LRMDA: variants seen among roughly 807,000 people sequenced by gnomAD.
LRMDA encodes the protein leucine-rich melanocyte differentiation-associated protein.
Under a neutral mutation model 29.8 loss-of-function variants are expected in LRMDA, and 18 were observed. That is an observed-to-expected ratio of 0.60 (90% CI 0.42 to 0.90). The LOEUF (loss-of-function observed/expected upper bound fraction) is 0.90, where lower values mean the gene tolerates loss of function less well. Among genes scored for constraint, LRMDA ranks in the 40% least tolerant of loss-of-function variants. The pLI is 0.00. For missense variants in LRMDA, 273 were observed against 273.9 expected, an observed-to-expected ratio of 1.00 and a Z score of 0.02; for synonymous variants, 125 against 109.4, an observed-to-expected ratio of 1.14 and a Z score of -0.89.
At chr10:75,969,102 A>T (rs139758126) in intron 2 of LRMDA, among the ~76,000 whole-genome samples, 1 of 152,204 alleles carries the variant, frequency 6.6e-6, no homozygotes, top group East Asian at 1.9e-4. Context: ...AAGGACTTGT[A>T]CTCTCTGGCT....
chr10:75,754,803 C>T (rs146985691), intron 2 of LRMDA, among the ~76,000 whole-genome samples: 75 of 152,248 alleles, frequency 4.9e-4, no homozygotes, highest in African/African-American at 1.4e-3. Context: ...CTTTCTCTCT[C>T]GGTCACTGCC....
intron 2 of LRMDA, among the ~76,000 whole-genome samples, chr10:75,925,412 G>A (rs370123380): frequency 5.9e-5 from 9 of 152,194 alleles, no homozygotes; most frequent in African/African-American, 1.4e-4. Context: ...GAGTGTTAGC[G>A]TCTGGGGGGG....
chr10:75,803,936 G>A (rs903021090), intron 2 of LRMDA, among the ~76,000 whole-genome samples: 2 of 152,108 alleles, frequency 1.3e-5, no homozygotes, highest in African/African-American at 2.4e-5. Flanking sequence ...TGACCCATTC[G>A]CTGCTCCTGT....
chr10:75,680,922 A>G (rs528537161), intron 2 of LRMDA, among the ~76,000 whole-genome samples: 5 of 152,172 alleles, frequency 3.3e-5, no homozygotes, highest in Non-Finnish European at 7.4e-5. Context: ...TCCTTCTGCA[A>G]TCTTCAGTTA....
At position 75,697,850 on chromosome 10, in the gene LRMDA, T is replaced by TGTGTGTGTGTGTGTGTGTGCGC. The variant is rs10664076; in HGVS notation, c.131+259357_131+259358insTGTGTGTGTGTGTGTGTGCGCG. 3.5e-3 allele frequency among the ~76,000 whole-genome samples: 528 copies of TGTGTGTGTGTGTGTGTGTGCGC among 151,698 alleles called. 3 individuals are homozygous for TGTGTGTGTGTGTGTGTGTGCGC. Among genetic ancestry groups the TGTGTGTGTGTGTGTGTGTGCGC allele is most frequent in the African/African-American group, 0.012 (491 of 41,200 alleles). On this transcript the variant is annotated intron_variant, in intron 2 of 6. Coordinates refer to ENST00000611255, the MANE Select transcript of LRMDA (RefSeq NM_001305581.2). ...GCATGTAAGAGTGTGTGTGTGTGTG[T>TGTGTGTGTGTGTGTGTGTGCGC]GCGTGTGTGTGTGTGTCTCATTCGC...
rs142538608 is a variant in LRMDA, at chr10:76,209,245, C to T, written c.517-115156C>T. Among the ~76,000 whole-genome samples the T allele has an allele frequency of 8.5e-3, 1,295 of 152,268 alleles. 23 individuals carry two copies. The highest frequency in any genetic ancestry group is 0.03 in the African/African-American group (1,227 of 41,546). The stretch of plus-strand genomic sequence containing the variant: ...AAGGAGAGTCACTCTCACCTAAAAA[C>T]AGACTGTGCTTCCGTGCCTCTGAGC... On this transcript the variant is annotated intron_variant, in intron 5 of 6. Coordinates refer to ENST00000611255, the MANE Select transcript of LRMDA (RefSeq NM_001305581.2).
rs1489229292 is a variant in LRMDA at position 75,438,379 on chromosome 10, C to T, written c.31-15C>T. The T allele has an allele frequency of 6.5e-7, 1 of 1,541,990 alleles. No individual in the cohort carries two copies. The highest frequency in any genetic ancestry group is 8.8e-7 in the Non-Finnish European group (1 of 1,138,870). ...TTCCATTTGCCACATTGTTTCTGTT[C>T]CATTTAATTTCCAGGTGTCCTACAT... On this transcript the variant is annotated splice_polypyrimidine_tract_variant and intron_variant, in intron 1 of 6. Transcript: ENST00000611255.
intron 2 of LRMDA, among the ~76,000 whole-genome samples, chr10:75,713,626 A>AGTGTG (rs1290834304): frequency 6.6e-6 from 1 of 152,224 alleles, no homozygotes; most frequent in Non-Finnish European, 1.5e-5. Context: ...TTTAAACTTA[A>AGTGTG]GTGTGGTGGT....
intron 2 of LRMDA, among the ~76,000 whole-genome samples, chr10:75,769,864 T>A (rs1452650316): frequency 6.6e-6 from 1 of 152,164 alleles, no homozygotes; most frequent in Non-Finnish European, 1.5e-5. Flanking sequence ...ATGTCTGTAA[T>A]CCCAGCTACT....
chr10:76,011,015 C>T (rs906301150), intron 2 of LRMDA, among the ~76,000 whole-genome samples: 2 of 152,222 alleles, frequency 1.3e-5, no homozygotes, highest in African/African-American at 2.4e-5. Context: ...GAGGATAAAT[C>T]GAGTTTGGCT....
At chr10:76,271,174 G>A (rs1416210564) in intron 5 of LRMDA, among the ~76,000 whole-genome samples, 1 of 152,142 alleles carries the variant, frequency 6.6e-6, no homozygotes, top group African/African-American at 2.4e-5. Context: ...TTGGGAGGCC[G>A]AGGTGGGTGA....
intron 2 of LRMDA, among the ~76,000 whole-genome samples, chr10:75,571,594 A>G (rs1384750231): frequency 1.3e-5 from 2 of 152,192 alleles, no homozygotes; most frequent in Non-Finnish European, 2.9e-5. Context: ...TGGTTTAGTC[A>G]TGGGCACGTA....
intron 6 of LRMDA, among the ~76,000 whole-genome samples, chr10:76,495,161 C>A (rs547997079): frequency 6.6e-6 from 1 of 151,890 alleles, no homozygotes; most frequent in African/African-American, 2.4e-5. Context: ...ATCTATTGTG[C>A]TAAAATTGTA....
intron 2 of LRMDA, among the ~76,000 whole-genome samples, chr10:75,828,512 G>C (rs542784957): frequency 1.5e-3 from 235 of 152,272 alleles, no homozygotes; most frequent in African/African-American, 5.4e-3. Context: ...CCATTTGGAA[G>C]TTATTGAGTT....
chr10:75,559,154 T>C (rs1840256998), intron 2 of LRMDA, among the ~76,000 whole-genome samples: 1 of 152,204 alleles, frequency 6.6e-6, no homozygotes, highest in South Asian at 2.1e-4. Context: ...ACCAACAGTG[T>C]AAAAGTGTTC....
intron 2 of LRMDA, chr10:75,552,557 C>A (rs745975343): frequency 6.6e-5 from 32 of 485,748 alleles, no homozygotes; most frequent in Non-Finnish European, 1.3e-4. Flanking sequence ...CTGACCACTT[C>A]TACCCCTCAT....
At chr10:76,355,478 T>C (rs769517348) in intron 6 of LRMDA, among the ~76,000 whole-genome samples, 2 of 152,218 alleles carry the variant, frequency 1.3e-5, no homozygotes, top group Non-Finnish European at 2.9e-5. Context: ...ACATGCAATG[T>C]GCCAACAACT....
chr10:75,486,074 A>G (rs565552268), intron 2 of LRMDA, among the ~76,000 whole-genome samples: 1 of 152,254 alleles, frequency 6.6e-6, no homozygotes, highest in Non-Finnish European at 1.5e-5. Context: ...TCTAATACAC[A>G]GTGTTTGCAT....
chr10:75,708,660 T>A (rs1278708055), intron 2 of LRMDA, among the ~76,000 whole-genome samples: 1 of 151,116 alleles, frequency 6.6e-6, no homozygotes, highest in African/African-American at 2.4e-5. Flanking sequence ...TTGGCTCAAT[T>A]AAAAAAAAAT....
Sources: allele counts gnomAD v4.1 joint callset (sites outside exome capture counted in the v4.1 genomes callset), GRCh38; gene constraint gnomAD v4.1.1; transcripts MANE v1.5; gene names NCBI Gene and HGNC (gene_info 2026-07-23, HGNC 2026-07-21).